The following C12orf42 variants were observed in gnomAD, a reference collection of about 807,000 sequenced individuals.
C12orf42 encodes uncharacterized protein C12orf42.
C12orf42 carries 25 observed loss-of-function variants against 21.6 expected under a neutral mutation model. The ratio of observed to expected loss-of-function variants is 1.16; its 90% CI spans 0.84 to 1.62. C12orf42 has a LOEUF of 1.62. C12orf42 is among the 40% of genes most tolerant of loss of function. The pLI is 0.00. For synonymous variants in C12orf42, 174 were observed against 175.0 expected (o/e 0.99, Z 0.05); for missense variants, 483 against 459.3 (o/e 1.05, Z -0.47).
chr12:103,210,881 C>T, the C12orf42 span, among the ~76,000 whole-genome samples: 1 of 151,792 alleles, frequency 6.6e-6, no homozygotes, highest in Non-Finnish European at 1.5e-5. Flanking sequence ...GTCCCAGGTA[C>T]TTGCGAGGAT....
At chr12:103,403,995 G>T (rs1001371024) in intron 2 of C12orf42, among the ~76,000 whole-genome samples, 2 of 152,180 alleles carry the variant, frequency 1.3e-5, no homozygotes, top group African/African-American at 4.8e-5. Flanking sequence ...ATACCTCTTA[G>T]GGTAGTTCAG....
chr12:103,545,256 C>T, the C12orf42 span, among the ~76,000 whole-genome samples: 1 of 152,106 alleles, frequency 6.6e-6, no homozygotes, highest in African/African-American at 2.4e-5. Context: ...GACTAGATAC[C>T]AACTCTAGCA....
At chr12:103,144,206 C>G in the C12orf42 span, among the ~76,000 whole-genome samples, 1 of 151,770 alleles carries the variant, frequency 6.6e-6, no homozygotes, top group Non-Finnish European at 1.5e-5. Context: ...CAGTAAGTTA[C>G]TTTGGCTTCA....
chr12:103,073,080 A>T, the C12orf42 span, among the ~76,000 whole-genome samples: 2 of 152,216 alleles, frequency 1.3e-5, no homozygotes, highest in East Asian at 3.8e-4. Flanking sequence ...ATACAGGAAC[A>T]GAAAACCAAA....
chr12:103,351,125 G>T (rs929154029), intron 4 of C12orf42, among the ~76,000 whole-genome samples: 20 of 152,160 alleles, frequency 1.3e-4, no homozygotes, highest in African/African-American at 4.6e-4. Flanking sequence ...ATCAAGTTTA[G>T]CCTAAAGCTG....
chr12:103,451,023 C>T (rs1000624514), intron 2 of C12orf42, among the ~76,000 whole-genome samples: 1 of 151,828 alleles, frequency 6.6e-6, no homozygotes, highest in African/African-American at 2.4e-5. Context: ...GTTTTCAAGA[C>T]ATCTCCCTCT....
chr12:103,104,653 A>T, the C12orf42 span, among the ~76,000 whole-genome samples: 1 of 152,148 alleles, frequency 6.6e-6, no homozygotes, highest in Non-Finnish European at 1.5e-5. Flanking sequence ...GTTGGCCGGG[A>T]TGGTCTCAAT....
intron 2 of C12orf42, among the ~76,000 whole-genome samples, chr12:103,414,712 T>C (rs2049151505): frequency 6.6e-6 from 1 of 152,216 alleles, no homozygotes; most frequent in Non-Finnish European, 1.5e-5. Flanking sequence ...TGCTGCTGTA[T>C]AGAAATACTA....
chr12:103,240,232 T>G (rs1460300924), intron 10 of C12orf42, among the ~76,000 whole-genome samples: 1 of 152,170 alleles, frequency 6.6e-6, no homozygotes, highest in Admixed American at 6.6e-5. Context: ...ATCATAGAGA[T>G]CCTCAAAATG....
intron 2 of C12orf42, among the ~76,000 whole-genome samples, 185 bp from the exon 3 acceptor site, chr12:103,401,860 C>A (rs2048030659): frequency 6.6e-6 from 1 of 152,058 alleles, no homozygotes; most frequent in Non-Finnish European, 1.5e-5. Context: ...ATGGTGAGCC[C>A]AAAACACACC....
At chr12:103,097,806 A>G in the C12orf42 span, among the ~76,000 whole-genome samples, 1 of 152,258 alleles carries the variant, frequency 6.6e-6, no homozygotes, top group Non-Finnish European at 1.5e-5. Context: ...TCCCCCAAAG[A>G]AATGCGCTGC....
chr12:103,423,844 C>T (rs553784695), intron 2 of C12orf42, among the ~76,000 whole-genome samples: 200 of 152,202 alleles, frequency 1.3e-3, no homozygotes, highest in African/African-American at 4.5e-3. Context: ...TCTCGGCATC[C>T]CCTGTAAAGA....
At chr12:103,498,646 T>A (rs1955634209), upstream of C12orf42, among the ~76,000 whole-genome samples, 1 of 151,968 alleles carries the variant, frequency 6.6e-6, no homozygotes, top group Non-Finnish European at 1.5e-5. Context: ...ATAGACTGGA[T>A]AAAGAAAATG....
chr12:103,351,607 AAAC>A (rs1179593418), intron 4 of C12orf42, among the ~76,000 whole-genome samples: 1 of 152,080 alleles, frequency 6.6e-6, no homozygotes, highest in Non-Finnish European at 1.5e-5. Context: ...GTCTGAGGAG[AAAC>A]AACTGGCATT....
intron 3 of C12orf42, among the ~76,000 whole-genome samples, chr12:103,382,606 C>T (rs902616574): frequency 6.6e-6 from 1 of 152,190 alleles, no homozygotes; most frequent in Non-Finnish European, 1.5e-5. Flanking sequence ...TTTAAATCAA[C>T]GCACCAAATG....
chr12:103,530,912 G>A, the C12orf42 span, among the ~76,000 whole-genome samples: 1 of 152,302 alleles, frequency 6.6e-6, no homozygotes, highest in Admixed American at 6.5e-5. Context: ...AGGAATCTGA[G>A]CTGTCAGGGA....
chr12:103,544,579 T>C, the C12orf42 span, among the ~76,000 whole-genome samples: 1 of 152,224 alleles, frequency 6.6e-6, no homozygotes, highest in Non-Finnish European at 1.5e-5. Context: ...TGGCCATTAT[T>C]TCCTCAAACA....
the C12orf42 span, among the ~76,000 whole-genome samples, chr12:103,167,388 T>C: frequency 0.018 from 2,671 of 152,260 alleles, 41 homozygotes; most frequent in Middle Eastern, 0.037. Flanking sequence ...TCCCCCCAAA[T>C]TGAAGCTTCT....
intron 1 of C12orf42, among the ~76,000 whole-genome samples, chr12:103,495,400 C>G (rs1346913751): frequency 1.3e-5 from 2 of 152,038 alleles, no homozygotes; most frequent in Non-Finnish European, 2.9e-5. Flanking sequence ...CCCCCAACCG[C>G]TCCGCCCGGC....
Sources: gnomAD v4.1 joint callset for allele counts (sites outside exome capture counted in the v4.1 genomes callset) on GRCh38, gnomAD v4.1.1 for gene constraint, MANE v1.5 for transcripts, NCBI Gene and HGNC (gene_info 2026-07-23, HGNC 2026-07-21) for gene names.